Variants in EYS observed in about 807,000 individuals in gnomAD.
EYS encodes the protein protein eyes shut homolog.
A neutral mutation model predicts 282.1 loss-of-function variants in EYS; 250 were observed. The observed-to-expected ratio is 0.89, with a 90% CI of 0.80 to 0.98. EYS has a LOEUF of 0.98. EYS is among the 50% of genes least tolerant of loss of function. The probability of loss-of-function intolerance (pLI) is 0.00; values close to 1 mark genes in which losing one functional copy is unlikely to be tolerated. For missense variants in EYS, 4,016 were observed against 3,709.0 expected (o/e 1.08, Z -2.15); for synonymous variants, 1,355 against 1,282.9 (o/e 1.06, Z -1.20).
intron 30 of EYS, among the ~76,000 whole-genome samples, chr6:64,273,423 GT>G (rs1247561654): frequency 6.6e-6 from 1 of 151,870 alleles, no homozygotes. Context: ...TGTCCTCAGT[GT>G]TTTTTTCCCC....
intron 19 of EYS, among the ~76,000 whole-genome samples, chr6:64,855,890 T>C (rs75530102): frequency 3.9e-5 from 6 of 152,318 alleles, no homozygotes; most frequent in Non-Finnish European, 8.8e-5. Context: ...AGATTGGCCT[T>C]CTTCACTTAG....
At chr6:64,673,958 T>C (rs1769559006) in intron 22 of EYS, among the ~76,000 whole-genome samples, 1 of 152,096 alleles carries the variant, frequency 6.6e-6, no homozygotes, top group African/African-American at 2.4e-5. Context: ...CATGCTACAA[T>C]TTAAAGATTT....
intron 29 of EYS, among the ~76,000 whole-genome samples, chr6:64,308,730 T>C (rs1425631621): frequency 6.6e-6 from 1 of 152,054 alleles, no homozygotes; most frequent in Non-Finnish European, 1.5e-5. Context: ...TTAGAACCTT[T>C]GAAAGTTTGC....
chr6:65,676,783 A>G (rs1426552782), intron 1 of EYS, among the ~76,000 whole-genome samples: 1 of 151,864 alleles, frequency 6.6e-6, no homozygotes, highest in Non-Finnish European at 1.5e-5. Flanking sequence ...TTCCAGATGA[A>G]TACAGATGTA....
At position 63,832,111 on chromosome 6, in the gene EYS, G is replaced by A. The variant is rs556515798; in HGVS notation, c.7229-25739C>T. Among the ~76,000 whole-genome samples, 16 of 152,190 alleles carry A rather than the reference G, an allele frequency of 1.1e-4. No individual in the cohort carries two copies. In the East Asian group the frequency reaches 2.9e-3, roughly 28 times the overall value. ...TAGCACTAAATGCCCACAAAAGAAA[G>A]CAGGAAAGATCTAAAATTGACACCC... On this transcript the variant is annotated intron_variant, in intron 36 of 42. Coordinates refer to ENST00000503581, the MANE Select transcript of EYS (RefSeq NM_001142800.2).
chr6:63,774,832 C>G lies in EYS; in HGVS notation c.7898+3174G>C, dbSNP rs1770024842. On this transcript the variant is annotated intron_variant, in intron 40 of 42. Coordinates refer to ENST00000503581, the MANE Select transcript of EYS (RefSeq NM_001142800.2). ...AGAAATTGGCAAAAATGTAAAATAT[C>G]TTTCTTCTCACTAAACATTTTTAGT... 2.0e-5 allele frequency among the ~76,000 whole-genome samples: 3 copies of G among 149,818 alleles called. No homozygotes were observed. In the South Asian group the frequency reaches 6.4e-4, roughly 32 times the overall value.
rs183755046 is a variant in EYS at position 64,264,789 on chromosome 6, G to C, written c.6192-33965C>G. On this transcript the variant is annotated intron_variant, in intron 30 of 42. Coordinates refer to ENST00000503581, the MANE Select transcript of EYS (RefSeq NM_001142800.2). ...TCCGGGTGTGGGCTCCTCTATTCTC[G>C]TCTATTCAAGAGGCTGAGGCAGAAG... is the stretch of plus-strand genomic sequence containing the variant. 5.1e-3 allele frequency among the ~76,000 whole-genome samples: 778 copies of C among 151,916 alleles called. 5 individuals carry two copies. Among genetic ancestry groups the C allele is most frequent in the African/African-American group, 0.018 (744 of 41,468 alleles).
intron 30 of EYS, among the ~76,000 whole-genome samples, chr6:64,273,874 A>T (rs1768022809): frequency 6.6e-6 from 1 of 152,082 alleles, no homozygotes. Flanking sequence ...TTAAACCTTC[A>T]AGTCTTTCTG....
At chr6:64,694,346 A>G (rs1268625275) in intron 22 of EYS, among the ~76,000 whole-genome samples, 2 of 152,214 alleles carry the variant, frequency 1.3e-5, no homozygotes, top group Non-Finnish European at 2.9e-5. Context: ...TGGCATGTAC[A>G]GCAGAAGATT....
chr6:64,179,289 A>G (rs1253778883), intron 31 of EYS, among the ~76,000 whole-genome samples: 2 of 152,080 alleles, frequency 1.3e-5, no homozygotes, highest in South Asian at 4.1e-4. Flanking sequence ...TTATTGCTAT[A>G]AAACTACCTT....
chr6:64,392,669 A>G (rs902478894), intron 28 of EYS, among the ~76,000 whole-genome samples: 2 of 150,590 alleles, frequency 1.3e-5, no homozygotes, highest in Non-Finnish European at 3.0e-5. Flanking sequence ...CCCACAAGAG[A>G]AAGCAGGAAA....
chr6:65,591,131 T>G (rs1015407843), intron 2 of EYS, among the ~76,000 whole-genome samples: 14 of 151,972 alleles, frequency 9.2e-5, no homozygotes, highest in Non-Finnish European at 5.9e-5. Flanking sequence ...CCACATGGCC[T>G]CTCCAACATT....
At chr6:64,703,793 A>G (rs547582735) in intron 22 of EYS, among the ~76,000 whole-genome samples, 4 of 152,278 alleles carry the variant, frequency 2.6e-5, no homozygotes, top group Non-Finnish European at 5.9e-5. Flanking sequence ...CAACAATCAA[A>G]ATAGTAACAT....
At chr6:65,589,373 T>C (rs1206325889) in intron 2 of EYS, among the ~76,000 whole-genome samples, 2 of 152,044 alleles carry the variant, frequency 1.3e-5, no homozygotes, top group African/African-American at 4.8e-5. Flanking sequence ...AGTCTGCAAT[T>C]ATCTTTTTCT....
chr6:64,235,396 A>C (rs1255440713), intron 30 of EYS, among the ~76,000 whole-genome samples: 1 of 152,084 alleles, frequency 6.6e-6, no homozygotes, highest in Non-Finnish European at 1.5e-5. Flanking sequence ...AATTTCATCC[A>C]TGTCCCTACA....
chr6:64,450,006 A>G (rs904208675), intron 26 of EYS, among the ~76,000 whole-genome samples: 5 of 152,152 alleles, frequency 3.3e-5, no homozygotes, highest in African/African-American at 4.8e-5. Flanking sequence ...ACACATAACA[A>G]TACTAACCTT....
At chr6:64,601,254 A>T (rs1766750788) in intron 24 of EYS, among the ~76,000 whole-genome samples, 4 of 152,082 alleles carry the variant, frequency 2.6e-5, no homozygotes, top group Admixed American at 2.6e-4. Flanking sequence ...TCCCAAAATC[A>T]TATCTCTACT....
At chr6:63,762,964 T>C (rs892833071) in intron 40 of EYS, among the ~76,000 whole-genome samples, 8 of 151,998 alleles carry the variant, frequency 5.3e-5, no homozygotes, top group African/African-American at 1.9e-4. Context: ...TGTTGCTGTC[T>C]CCTAACTTCA....
At chr6:65,062,102 C>A (rs571518639) in intron 12 of EYS, among the ~76,000 whole-genome samples, 1 of 151,948 alleles carries the variant, frequency 6.6e-6, no homozygotes, top group East Asian at 1.9e-4. Context: ...CCGTATCATG[C>A]CCTCTACATG....
Sources: allele counts gnomAD v4.1 joint callset (sites outside exome capture counted in the v4.1 genomes callset), GRCh38; gene constraint gnomAD v4.1.1; transcripts MANE v1.5; gene names NCBI Gene and HGNC (gene_info 2026-07-23, HGNC 2026-07-21).